TSPAN9: variants seen among roughly 807,000 people sequenced by gnomAD.
TSPAN9 encodes the protein tetraspanin-9.
Under a neutral mutation model 31.0 loss-of-function variants are expected in TSPAN9, and 16 were observed. The ratio of observed to expected loss-of-function variants is 0.52; its 90% CI spans 0.35 to 0.78. TSPAN9 has a LOEUF of 0.78. TSPAN9 is among the 30% of genes least tolerant of loss of function. The pLI is 0.01. For missense variants in TSPAN9, 272 were observed against 312.5 expected (o/e 0.87, Z 0.98); for synonymous variants, 145 against 121.6 (o/e 1.19, Z -1.27).
chr12:3,237,544 T>C (rs1470459692), intron 3 of TSPAN9, among the ~76,000 whole-genome samples: 1 of 152,214 alleles, frequency 6.6e-6, no homozygotes, highest in African/African-American at 2.4e-5. Context: ...CCAGAGCCTC[T>C]GCAGCCCTGT....
chr12:3,211,303 G>A (rs928877736), intron 3 of TSPAN9, among the ~76,000 whole-genome samples: 2 of 152,164 alleles, frequency 1.3e-5, no homozygotes, highest in African/African-American at 4.8e-5. Context: ...GTGTTTCTGT[G>A]TATGCCTGGG....
At position 3,214,452 on chromosome 12, in the gene TSPAN9, C is replaced by T. The variant is rs373501447; in HGVS notation, c.63+13196C>T. On this transcript the variant is annotated intron_variant, in intron 3 of 8. Coordinates refer to ENST00000011898, the MANE Select transcript of TSPAN9 (RefSeq NM_006675.5). ...AGGCCTGGAGTGAGCGGCTGCCTGCCGCGGGGCTGGGTCGGGACAGGAGCG... is the reference window on the plus strand; with the variant it reads ...AGGCCTGGAGTGAGCGGCTGCCTGCTGCGGGGCTGGGTCGGGACAGGAGCG... 3.3e-5 allele frequency among the ~76,000 whole-genome samples: 5 copies of T among 152,258 alleles called. No individual in the cohort carries two copies. In the East Asian group the frequency reaches 5.8e-4, roughly 18 times the overall value.
intron 2 of TSPAN9, among the ~76,000 whole-genome samples, chr12:3,183,308 A>G (rs989794247): frequency 3.3e-5 from 5 of 152,094 alleles, no homozygotes; most frequent in Non-Finnish European, 7.4e-5. Context: ...TCCCCTCTCA[A>G]AGTGGGGAGG....
rs373627501 is a variant in TSPAN9 at position 3,158,278 on chromosome 12, T to G, written c.-17-42899T>G. On this transcript the variant is annotated intron_variant, in intron 2 of 8. Transcript: ENST00000011898. The stretch of plus-strand genomic sequence containing the variant: ...TGTGGAAGTGGCTGTTCAGTCTGTC[T>G]GCTGCCTGTGGATGGAGCTACCTTT... Among the ~76,000 whole-genome samples the G allele has an allele frequency of 1.3e-5, 2 of 152,210 alleles. 1 individual carries two copies. Among genetic ancestry groups the G allele is most frequent in the East Asian group, 3.9e-4 (2 of 5,188 alleles).
Sources: allele counts gnomAD v4.1 joint callset (sites outside exome capture counted in the v4.1 genomes callset), GRCh38; gene constraint gnomAD v4.1.1; transcripts MANE v1.5; gene names NCBI Gene and HGNC (gene_info 2026-07-23, HGNC 2026-07-21).